Variants in ASIC2 observed in about 807,000 individuals in gnomAD.
ASIC2 encodes the protein acid-sensing ion channel 2.
In ASIC2, 25 loss-of-function variants were observed where a neutral mutation model predicts 57.3. The ratio of observed to expected loss-of-function variants is 0.44; its 90% CI spans 0.32 to 0.61. The LOEUF (loss-of-function observed/expected upper bound fraction) is 0.61. ASIC2 is among the 20% of genes least tolerant of loss of function. ASIC2 has a pLI of 0.06. For missense variants in ASIC2, 641 were observed against 738.1 expected (o/e 0.87, Z 1.52); for synonymous variants, 319 against 307.5 (o/e 1.04, Z -0.39).
chr17:33,183,571 A>G (rs892687898), intron 1 of ASIC2, among the ~76,000 whole-genome samples: 2 of 152,234 alleles, frequency 1.3e-5, no homozygotes, highest in African/African-American at 4.8e-5. Context: ...AGTTCTCAGT[A>G]GCAGAGGTTA....
At chr17:33,070,822 A>G (rs1418907220) in intron 3 of ASIC2, among the ~76,000 whole-genome samples, 2 of 151,852 alleles carry the variant, frequency 1.3e-5, no homozygotes, top group Non-Finnish European at 2.9e-5. Flanking sequence ...TTCTGCTTTT[A>G]TATGTCTGAG....
chr17:33,780,341 T>C (rs547599388), intron 1 of ASIC2, among the ~76,000 whole-genome samples: 13 of 152,210 alleles, frequency 8.5e-5, no homozygotes, highest in African/African-American at 3.1e-4. Flanking sequence ...GGGCTGAGGA[T>C]ATATACTCCA....
rs912490285 is a variant in ASIC2 at position 33,293,110 on chromosome 17, T to A, written c.-995A>T. On this transcript the variant is annotated 5_prime_UTR_variant, in exon 1 of 10. Coordinates refer to ENST00000225823, the MANE Select transcript of ASIC2 (RefSeq NM_183377.2). ...CCTCCCGGGGGTGACCCGGACTCGC[T>A]GCTCCGCGCGCCCTTCTCCTCTCGA... 1.1e-6 allele frequency: 1 copy of A among 893,654 alleles called. No homozygotes were observed. The highest frequency in any genetic ancestry group is 1.3e-6 in the Non-Finnish European group (1 of 746,430). 55.4% of individuals were successfully genotyped at this position (893,654 alleles called of 1,614,324 possible).
At chr17:34,060,488 C>T (rs921607936) in intron 1 of ASIC2, among the ~76,000 whole-genome samples, 1 of 151,804 alleles carries the variant, frequency 6.6e-6, no homozygotes, top group Admixed American at 6.6e-5. Context: ...GGATCCAAAC[C>T]AATAAGAAAT....
intron 1 of ASIC2, among the ~76,000 whole-genome samples, chr17:33,764,453 T>A (rs957813675): frequency 1.3e-5 from 2 of 152,086 alleles, no homozygotes; most frequent in African/African-American, 4.8e-5. Context: ...GGATAATTAA[T>A]AAAGAAAAAG....
intron 1 of ASIC2, among the ~76,000 whole-genome samples, chr17:33,259,927 G>A (rs561751592): frequency 3.9e-5 from 6 of 152,206 alleles, no homozygotes; most frequent in African/African-American, 1.4e-4. Flanking sequence ...CTGGGGCCCC[G>A]CTTTGAGTCA....
At chr17:33,647,879 C>T (rs1906795478) in intron 1 of ASIC2, among the ~76,000 whole-genome samples, 1 of 152,256 alleles carries the variant, frequency 6.6e-6, no homozygotes. Context: ...TTGAGGTGCC[C>T]TGTGGATAGC....
chr17:33,119,580 C>G (rs2092293681), intron 1 of ASIC2, among the ~76,000 whole-genome samples: 2 of 152,156 alleles, frequency 1.3e-5, no homozygotes, highest in Non-Finnish European at 2.9e-5. Context: ...AAGGAAGCTG[C>G]TGTAGATGGT....
chr17:33,909,444 T>A (rs538867856), intron 1 of ASIC2, among the ~76,000 whole-genome samples: 1 of 152,244 alleles, frequency 6.6e-6, no homozygotes, highest in Non-Finnish European at 1.5e-5. Flanking sequence ...CGGGTGAAGG[T>A]GTTTTAATAA....
At chr17:33,203,209 C>T (rs1226780671) in intron 1 of ASIC2, among the ~76,000 whole-genome samples, 1 of 152,192 alleles carries the variant, frequency 6.6e-6, no homozygotes, top group Non-Finnish European at 1.5e-5. Flanking sequence ...AGAAGCAGCC[C>T]GAAGGCAGGG....
rs1397818067 is a variant in ASIC2 at position 33,411,679 on chromosome 17, G to GA, written c.556-299613dup. ...TTAAGAACCAGAGGGGCAATAGGAA[G>GA]AAAAAAATGAAGTCTTGGCATTTAC... On this transcript the variant is annotated intron_variant, in intron 1 of 9. Coordinates refer to the ASIC2 transcript ENST00000359872. Among the ~76,000 whole-genome samples, 7 of 152,130 alleles carry GA rather than the reference G, an allele frequency of 4.6e-5. No homozygotes were observed. In the East Asian group the frequency reaches 7.7e-4, roughly 17 times the overall value.
Position 33,538,284 on chromosome 17 carries a change from C to T in ASIC2, c.556-426217G>A, listed in dbSNP as rs116812030. 5.3e-3 allele frequency among the ~76,000 whole-genome samples: 801 copies of T among 152,196 alleles called. 6 individuals carry two copies. The highest frequency in any genetic ancestry group is 0.018 in the African/African-American group (766 of 41,514). Reference sequence around the variant, plus strand: ...GTGAATGATTAGGTCTCATCGCATACCCCTGTAGGCAGAGTTGGGATGGCT... The same window carrying T: ...GTGAATGATTAGGTCTCATCGCATATCCCTGTAGGCAGAGTTGGGATGGCT... On this transcript the variant is annotated intron_variant, in intron 1 of 9. Transcript: ENST00000359872.
At chr17:33,091,270 G>A (rs1022674468) in intron 2 of ASIC2, among the ~76,000 whole-genome samples, 3 of 152,288 alleles carry the variant, frequency 2.0e-5, no homozygotes, top group East Asian at 1.9e-4. Context: ...TGTCCAAGAC[G>A]GGGGTTGAGG....
At chr17:33,655,857 A>G (rs78188113) in intron 1 of ASIC2, among the ~76,000 whole-genome samples, 3,187 of 152,234 alleles carry the variant, frequency 0.021, 98 homozygotes, top group African/African-American at 0.072. Flanking sequence ...ATCTATCATG[A>G]AGAGAGAGAA....
At chr17:33,734,955 C>T (rs1190281536) in intron 1 of ASIC2, among the ~76,000 whole-genome samples, 1 of 152,164 alleles carries the variant, frequency 6.6e-6, no homozygotes, top group East Asian at 1.9e-4. Flanking sequence ...GTGTTCTGGC[C>T]ACACTGACTT....
intron 1 of ASIC2, among the ~76,000 whole-genome samples, chr17:33,494,701 A>T (rs2141937026): frequency 6.6e-6 from 1 of 152,294 alleles, no homozygotes; most frequent in East Asian, 1.9e-4. Flanking sequence ...CTTCCCTGAA[A>T]ACTTAAGCCT....
At chr17:34,102,034 G>A (rs1282016073) in intron 1 of ASIC2, among the ~76,000 whole-genome samples, 1 of 152,206 alleles carries the variant, frequency 6.6e-6, no homozygotes, top group African/African-American at 2.4e-5. Flanking sequence ...ATACAGCCAG[G>A]TGTGGTGGTT....
At chr17:33,464,540 C>CTTTCTTTCTTTCTTTCTT (rs59312185) in intron 1 of ASIC2, among the ~76,000 whole-genome samples, 36 of 49,330 alleles carry the variant, frequency 7.3e-4, no homozygotes, top group East Asian at 1.9e-3. Context: ...TTCTTTCTTT[C>CTTTCTTTCTTTCTTTCTT]TCTTTCTTTC....
chr17:33,275,867 A>G (rs1287105415), intron 1 of ASIC2, among the ~76,000 whole-genome samples: 1 of 152,230 alleles, frequency 6.6e-6, no homozygotes, highest in East Asian at 1.9e-4. Context: ...CATGATAGAT[A>G]CAGTGAATCC....
Sources: allele counts gnomAD v4.1 joint callset (sites outside exome capture counted in the v4.1 genomes callset), GRCh38; gene constraint gnomAD v4.1.1; transcripts MANE v1.5; gene names NCBI Gene and HGNC (gene_info 2026-07-23, HGNC 2026-07-21).